The following NRG4 variants were observed in gnomAD, a reference collection of about 807,000 sequenced individuals.
NRG4 encodes the protein neuregulin 4.
NRG4 carries 10 observed loss-of-function variants against 15.0 expected under a neutral mutation model. The ratio of observed to expected loss-of-function variants is 0.67; its 90% CI spans 0.41 to 1.13. NRG4 has a LOEUF of 1.13. Ranked by LOEUF, NRG4 falls within the 50% of genes most tolerant of loss-of-function variation. The probability of loss-of-function intolerance (pLI) is 0.00; values close to 1 mark genes in which losing one functional copy is unlikely to be tolerated. For synonymous variants in NRG4, 41 were observed against 50.1 expected, an observed-to-expected ratio of 0.82 and a Z score of 0.77; for missense variants, 139 against 140.2, an observed-to-expected ratio of 0.99 and a Z score of 0.04.
chr15:75,941,596 A>G lies in NRG4; in HGVS notation c.*2042T>C, dbSNP rs956273595. The stretch of plus-strand genomic sequence containing the variant: ...AATGGAATATTATTCAGCCATAAAA[A>G]GGAAATCCTTCTACATACTACATCA... On this transcript the variant is annotated 3_prime_UTR_variant, in exon 6 of 6. Transcript: ENST00000394907. 6.6e-6 allele frequency: 1 copy of G among 152,238 alleles called. No individual in the cohort carries two copies. Among genetic ancestry groups the G allele is most frequent in the Non-Finnish European group, 1.5e-5 (1 of 68,024 alleles). 9.4% of individuals were successfully genotyped at this position (152,238 alleles called of 1,614,324 possible).
downstream of NRG4, chr15:75,940,103 A>G (rs1247552800): frequency 7.5e-6 from 1 of 133,630 alleles, no homozygotes; most frequent in African/African-American, 2.7e-5. Context: ...AACCCGAAAG[A>G]TTCCACACCA....
intron 5 of NRG4, among the ~76,000 whole-genome samples, chr15:76,017,664 C>G (rs992190529): frequency 3.9e-5 from 6 of 152,190 alleles, no homozygotes; most frequent in Admixed American, 1.3e-4. Context: ...GGCCCCCACT[C>G]TCTTCTGGTG....
intron 5 of NRG4, among the ~76,000 whole-genome samples, chr15:76,027,723 A>G (rs990186410): frequency 3.3e-5 from 5 of 152,160 alleles, no homozygotes; most frequent in African/African-American, 9.7e-5. Context: ...GTTTCACCCA[A>G]CAACTGATTT....
intron 3 of NRG4, among the ~76,000 whole-genome samples, chr15:75,968,416 C>T (rs1192936520): frequency 2.0e-5 from 3 of 151,770 alleles, no homozygotes; most frequent in Admixed American, 2.0e-4. Flanking sequence ...GGTGAAACCC[C>T]GTCTCTACTA....
intron 3 of NRG4, among the ~76,000 whole-genome samples, chr15:75,968,576 A>C (rs1231689408): frequency 6.9e-6 from 1 of 145,358 alleles, no homozygotes; most frequent in African/African-American, 2.6e-5. Context: ...GATAGAGCGA[A>C]ACTCCATCTA....
intron 3 of NRG4, chr15:76,005,679 G>GGA (rs2034577721): frequency 6.7e-6 from 1 of 148,536 alleles, no homozygotes; most frequent in South Asian, 5.1e-5. Flanking sequence ...CTCTGTCTCA[G>GGA]AAAAAAAAAA....
intron 2 of NRG4, chr15:76,056,877 T>C (rs1417472169): frequency 6.6e-6 from 1 of 152,208 alleles, no homozygotes; most frequent in Admixed American, 6.5e-5. Flanking sequence ...GCTACATACA[T>C]GTACAAATTT....
At chr15:75,964,718 G>A (rs2032705018) in intron 3 of NRG4, among the ~76,000 whole-genome samples, 2 of 152,018 alleles carry the variant, frequency 1.3e-5, no homozygotes, top group Admixed American at 1.3e-4. Flanking sequence ...TTGAGCCCAG[G>A]AGTTTGAGAC....
chr15:75,964,762 A>G (rs1277401751), intron 3 of NRG4, among the ~76,000 whole-genome samples: 1 of 151,778 alleles, frequency 6.6e-6, no homozygotes, highest in Non-Finnish European at 1.5e-5. Context: ...CACCGTCTCT[A>G]CAAAAAATAA....
chr15:75,976,985 T>G (rs768229886), intron 3 of NRG4, among the ~76,000 whole-genome samples: 2 of 152,162 alleles, frequency 1.3e-5, no homozygotes, highest in African/African-American at 4.8e-5. Context: ...TATCTGTAAG[T>G]CCCTGACTGG....
chr15:76,009,182 CT>C lies in NRG4; in HGVS notation c.104+17del, dbSNP rs1567107956. The C allele has an allele frequency of 2.6e-6, 3 of 1,167,212 alleles. No individual in the cohort carries two copies. Among genetic ancestry groups the C allele is most frequent in the African/African-American group, 1.5e-5 (1 of 66,414 alleles). The allele number at this position is 1,167,212 out of a possible 1,614,324, so 72.3% of individuals were successfully genotyped here. A position where few individuals can be genotyped will look rare whatever the true frequency, so the allele number is the denominator to read the frequency against. ...TAAAAAATAAAGTTAACATCTCCCC[CT>C]AGTCCATTTCACTCACCTACAAAAT... On this transcript the variant is annotated intron_variant, in intron 3 of 5. Transcript: ENST00000394907.
upstream of NRG4, among the ~76,000 whole-genome samples, chr15:76,014,888 A>G (rs1448424103): frequency 7.2e-5 from 11 of 152,260 alleles, no homozygotes; most frequent in South Asian, 2.3e-3. Flanking sequence ...AAGAAAGTCA[A>G]TGGTAGCCTG....
intron 3 of NRG4, among the ~76,000 whole-genome samples, chr15:75,962,272 A>G (rs1595959250): frequency 6.6e-6 from 1 of 152,228 alleles, no homozygotes; most frequent in African/African-American, 2.4e-5. Context: ...TCAATCATAT[A>G]AATGTCCACA....
intron 3 of NRG4, among the ~76,000 whole-genome samples, chr15:75,964,858 G>C (rs2032714554): frequency 6.6e-6 from 1 of 152,064 alleles, no homozygotes; most frequent in South Asian, 2.1e-4. Flanking sequence ...CCCAGGTCAA[G>C]GCATAGTGAG....
chr15:75,974,812 G>A (rs2033291067), intron 3 of NRG4, among the ~76,000 whole-genome samples: 1 of 152,218 alleles, frequency 6.6e-6, no homozygotes. Flanking sequence ...ATGTGGTGCT[G>A]AGAAGAATGT....
chr15:76,023,160 AC>A (rs1567116160), intron 5 of NRG4, among the ~76,000 whole-genome samples: 39 of 150,458 alleles, frequency 2.6e-4, no homozygotes, highest in South Asian at 8.6e-4. Flanking sequence ...ACACACACAC[AC>A]ACACACACAC....
At chr15:75,940,080 A>G (rs943707377), downstream of NRG4, 1 of 151,032 alleles carries the variant, frequency 6.6e-6, no homozygotes, top group African/African-American at 2.4e-5. Context: ...CACAAATGAT[A>G]TGATCTTTAG....
chr15:75,938,222 G>T (rs2030570638), downstream of NRG4: 1 of 152,026 alleles, frequency 6.6e-6, no homozygotes, highest in Admixed American at 6.6e-5. Context: ...ACACACAGAA[G>T]GAATAGTCTT....
intron 5 of NRG4, among the ~76,000 whole-genome samples, chr15:76,020,508 G>C (rs950317845): frequency 6.6e-6 from 1 of 152,052 alleles, no homozygotes. Flanking sequence ...TCTAAGCCAG[G>C]GATGTCCAAT....
Sources: allele counts gnomAD v4.1 joint callset (sites outside exome capture counted in the v4.1 genomes callset), GRCh38; gene constraint gnomAD v4.1.1; transcripts MANE v1.5; gene names NCBI Gene and HGNC (gene_info 2026-07-23, HGNC 2026-07-21).